The following GRID2 variants were observed in gnomAD, a reference collection of about 807,000 sequenced individuals.
The protein encoded by GRID2 is glutamate ionotropic receptor delta type subunit 2.
GRID2 carries 33 observed loss-of-function variants against 114.8 expected under a neutral mutation model. The observed-to-expected ratio is 0.29, with a 90% CI of 0.22 to 0.38. The LOEUF (loss-of-function observed/expected upper bound fraction) is 0.38, where lower values mean the gene tolerates loss of function less well. GRID2 is among the 10% of genes least tolerant of loss of function. The pLI, the probability that GRID2 is intolerant of heterozygous loss-of-function variation, is 1.00. For synonymous variants in GRID2, 505 were observed against 449.9 expected (o/e 1.12, Z -1.55); for missense variants, 1,184 against 1,257.7 (o/e 0.94, Z 0.89).
chr4:92,315,680 C>G (rs900876695), intron 1 of GRID2, among the ~76,000 whole-genome samples: 2 of 152,008 alleles, frequency 1.3e-5, no homozygotes, highest in African/African-American at 4.8e-5. Flanking sequence ...GACAAGAGAA[C>G]TTAGTCCTGG....
chr4:93,612,898 G>A lies in GRID2; in HGVS notation c.2194-13371G>A, dbSNP rs1247177541. Among the ~76,000 whole-genome samples, 4 of 145,720 alleles carry A rather than the reference G, an allele frequency of 2.7e-5. No homozygotes were observed. The East Asian group carries it at 7.9e-4, about 29-fold the overall frequency. ...GGGAAGTTCTCCAGGATAATATCCT[G>A]CAGAGTGTTTTCCAACTTGGTTCCA... On this transcript the variant is annotated intron_variant, in intron 13 of 15. Transcript: ENST00000282020.
rs892129341 is a variant in GRID2, at chr4:92,304,352, C to G, written c.-305C>G. 7 of 395,422 alleles carry G rather than the reference C, an allele frequency of 1.8e-5. No individual in the cohort carries two copies. Among genetic ancestry groups the G allele is most frequent in the Admixed American group, 8.6e-5 (2 of 23,142 alleles). The allele number at this position is 395,422 out of a possible 1,614,324, so 24.5% of individuals were successfully genotyped here. On this transcript the variant is annotated 5_prime_UTR_variant, in exon 1 of 16. Coordinates refer to ENST00000282020, the MANE Select transcript of GRID2 (RefSeq NM_001510.4). ...TCTGATCTGAGCCCCAGCCTCTCCCCCTGCCCAAGAGCAGTAGAGGCTGGA... is the reference window on the plus strand; with the variant it reads ...TCTGATCTGAGCCCCAGCCTCTCCCGCTGCCCAAGAGCAGTAGAGGCTGGA...
chr4:93,599,462 A>T (rs1471128284), intron 13 of GRID2, among the ~76,000 whole-genome samples: 2 of 152,232 alleles, frequency 1.3e-5, no homozygotes, highest in Non-Finnish European at 2.9e-5. Context: ...TCTCACAAAA[A>T]TAATTTTATC....
chr4:92,456,926 C>T (rs905472495), intron 1 of GRID2, among the ~76,000 whole-genome samples: 3 of 152,002 alleles, frequency 2.0e-5, no homozygotes, highest in African/African-American at 7.2e-5. Flanking sequence ...AATATTTGTG[C>T]CTAAAATTCT....
chr4:92,900,854 A>G (rs914877079), intron 2 of GRID2, among the ~76,000 whole-genome samples: 6 of 151,650 alleles, frequency 4.0e-5, no homozygotes, highest in Non-Finnish European at 8.8e-5. Flanking sequence ...AAAAAAAAAA[A>G]AAAAGATAAT....
intron 8 of GRID2, among the ~76,000 whole-genome samples, chr4:93,365,342 CT>C (rs1190111053): frequency 6.6e-6 from 1 of 152,110 alleles, no homozygotes; most frequent in Non-Finnish European, 1.5e-5. Context: ...TTCAGTTTTT[CT>C]TTCTCAGACC....
intron 2 of GRID2, among the ~76,000 whole-genome samples, chr4:92,944,865 C>G (rs984510653): frequency 5.3e-5 from 8 of 151,912 alleles, no homozygotes; most frequent in African/African-American, 1.9e-4. Flanking sequence ...AAGGGCAAAC[C>G]TTATATATTT....
At chr4:93,566,061 T>C (rs1347959139) in intron 13 of GRID2, among the ~76,000 whole-genome samples, 1 of 152,178 alleles carries the variant, frequency 6.6e-6, no homozygotes, top group Non-Finnish European at 1.5e-5. Context: ...GGGTGATTTA[T>C]CATTTTTCTA....
At chr4:92,921,142 G>A (rs1046913566) in intron 2 of GRID2, among the ~76,000 whole-genome samples, 19 of 151,740 alleles carry the variant, frequency 1.3e-4, no homozygotes, top group Non-Finnish European at 2.2e-4. Flanking sequence ...TGATCGCGTC[G>A]GCTACTGAGG....
At chr4:93,208,649 C>T (rs1017045567) in intron 5 of GRID2, among the ~76,000 whole-genome samples, 12 of 151,998 alleles carry the variant, frequency 7.9e-5, no homozygotes, top group Admixed American at 4.6e-4. Flanking sequence ...TCCTACACTA[C>T]ACTTCAATGA....
At chr4:92,456,946 ATCTTTC>A (rs1206906154) in intron 1 of GRID2, among the ~76,000 whole-genome samples, 1 of 152,116 alleles carries the variant, frequency 6.6e-6, no homozygotes, top group Non-Finnish European at 1.5e-5. Flanking sequence ...TTAAATATTT[ATCTTTC>A]TCTTTACACA....
chr4:93,042,365 T>C (rs1452443813), intron 2 of GRID2, among the ~76,000 whole-genome samples: 2 of 144,008 alleles, frequency 1.4e-5, no homozygotes, highest in African/African-American at 2.6e-5. Context: ...ACCTTAGAAC[T>C]TAAAGTATAA....
rs559410103 is a variant in GRID2 at position 93,278,756 on chromosome 4, C to T, written c.1245+40266C>T. Among the ~76,000 whole-genome samples the T allele has an allele frequency of 2.6e-5, 4 of 151,972 alleles. No homozygotes were observed. The South Asian group carries it at 8.3e-4, about 32-fold the overall frequency. ...TAAGATCATAGGAAGAACAACTTTG[C>T]ATAAAGAAGTTAAAGATTATTTCAT... On this transcript the variant is annotated intron_variant, in intron 8 of 15. Transcript: ENST00000282020.
At chr4:92,774,858 C>A (rs1374673992) in intron 2 of GRID2, among the ~76,000 whole-genome samples, 1 of 151,942 alleles carries the variant, frequency 6.6e-6, no homozygotes, top group East Asian at 1.9e-4. Context: ...GGCCTCCCAC[C>A]ACATGTGATC....
intron 1 of GRID2, among the ~76,000 whole-genome samples, chr4:92,525,480 A>C (rs1724997559): frequency 6.6e-6 from 1 of 152,084 alleles, no homozygotes; most frequent in Non-Finnish European, 1.5e-5. Flanking sequence ...TCACTGAGGG[A>C]GAACTGTCAG....
intron 2 of GRID2, among the ~76,000 whole-genome samples, chr4:92,870,294 T>C (rs1323414610): frequency 6.7e-6 from 1 of 149,808 alleles, no homozygotes; most frequent in Non-Finnish European, 1.5e-5. Flanking sequence ...ACACACACAC[T>C]TTCTCTCTCT....
At position 92,782,236 on chromosome 4, in the gene GRID2, G is replaced by T. The variant is rs1739114950; in HGVS notation, c.244+191950G>T. On this transcript the variant is annotated intron_variant, in intron 2 of 15. Coordinates refer to ENST00000282020, the MANE Select transcript of GRID2 (RefSeq NM_001510.4). ...AGTAAAATTTCTTCAGGAATTTGGG[G>T]TTTATTGGTACTTTGAGAGCTCTCC... is the stretch of plus-strand genomic sequence containing the variant. 2.0e-5 allele frequency among the ~76,000 whole-genome samples: 3 copies of T among 152,112 alleles called. No individual in the cohort carries two copies. In the South Asian group the frequency reaches 6.2e-4, roughly 32 times the overall value.
At chr4:93,013,953 G>A (rs1722433585) in intron 2 of GRID2, among the ~76,000 whole-genome samples, 1 of 151,890 alleles carries the variant, frequency 6.6e-6, no homozygotes, top group Non-Finnish European at 1.5e-5. Flanking sequence ...TATTTACCTG[G>A]TTCTCCAGAA....
At chr4:93,163,393 TATATATAC>T (rs1286830334) in intron 4 of GRID2, among the ~76,000 whole-genome samples, 4 of 41,894 alleles carry the variant, frequency 9.5e-5, no homozygotes, top group Admixed American at 4.3e-4. Flanking sequence ...TATATATATA[TATATATAC>T]ACTATATATA....
Sources: gnomAD v4.1 joint callset for allele counts (sites outside exome capture counted in the v4.1 genomes callset) on GRCh38, gnomAD v4.1.1 for gene constraint, MANE v1.5 for transcripts, NCBI Gene and HGNC (gene_info 2026-07-23, HGNC 2026-07-21) for gene names.